The following C1QTNF12 variants were observed in gnomAD, a reference collection of about 807,000 sequenced individuals.
The protein encoded by C1QTNF12 is C1q and TNF related 12, also known as adipolin.
C1QTNF12 carries 39 observed loss-of-function variants against 34.3 expected under a neutral mutation model. The ratio of observed to expected loss-of-function variants is 1.14; its 90% confidence interval spans 0.88 to 1.49. C1QTNF12 has a LOEUF of 1.49. Ranked by LOEUF, C1QTNF12 falls within the 40% of genes most tolerant of loss-of-function variation. The pLI is 0.00. For missense variants in C1QTNF12, 497 were observed against 424.7 expected (o/e 1.17, Z -1.50); for synonymous variants, 220 against 196.9 (o/e 1.12, Z -0.98).
chr1:1,243,576 G>T, intron 4 of C1QTNF12, 24 bp from the exon 5 acceptor site: 1 of 1,532,760 alleles, frequency 6.5e-7, no homozygotes, highest in Non-Finnish European at 8.8e-7. Context: ...TGGGTGAGCG[G>T]CCAGCGCAGG....
chr1:1,242,949 G>T, intron 6 of C1QTNF12, 36 bp from the exon 7 acceptor site: 1 of 1,600,622 alleles, frequency 6.2e-7, no homozygotes, highest in Non-Finnish European at 8.5e-7. Context: ...GGGAGGCGTT[G>T]CAGGTCCAGG....
intron 1 of C1QTNF12, chr1:1,244,726 C>T: frequency 1.9e-6 from 1 of 525,720 alleles, no homozygotes; most frequent in Non-Finnish European, 3.4e-6. Flanking sequence ...CTGAGCCCCT[C>T]ACTCCTCCCC....
Position 1,243,074 on chromosome 1 carries a change from C to A in C1QTNF12, c.719G>T (p.Cys240Phe). The part of the protein sequence containing the change: ...VCVLICIESL[C>F]QRHTCLEAVS... ...TGAGGTCACTCACGTGTGGCGCTGG[C>A]ACAGGGACTCAATACAGATGAGAAC... The change falls in exon 6 of 8, where the codon TGC (cysteine) becomes TTC (phenylalanine). Residue 240 changes from cysteine (C) to phenylalanine (F), a missense_variant. Physicochemically the swap from Cys to Phe is radical, Grantham distance 205 (BLOSUM62 -2). Transcript: ENST00000330388. 6.3e-7 allele frequency: 1 copy of A among 1,583,816 alleles called. No individual in the cohort carries two copies. Among genetic ancestry groups the A allele is most frequent in the Non-Finnish European group, 8.6e-7 (1 of 1,165,840 alleles).
chr1:1,244,354 C>G lies in C1QTNF12; in HGVS notation c.294+27G>C, dbSNP rs777982342. ...CACCACACCCTGTCCGGGGCTCAGA[C>G]CCTGCAGCAGCCCGGGCGGGGCTCA... On this transcript the variant is annotated intron_variant, in intron 2 of 7. Transcript: ENST00000330388. 1.9e-5 allele frequency: 30 copies of G among 1,606,442 alleles called. 1 individual carries two copies. In the South Asian group the frequency reaches 3.3e-4, roughly 18 times the overall value.
In C1QTNF12 at chr1:1,243,155, G is replaced by T. The variant is rs35279523; in HGVS notation, c.641-3C>A. The T allele has an allele frequency of 2.6e-6, 4 of 1,555,816 alleles. No homozygotes were observed. The highest frequency in any genetic ancestry group is 3.8e-5 in the Admixed American group (2 of 52,400). Reference sequence around the variant, plus strand: ...CTTGCCCTGCAGCTCACTGTGGTCTGCGGAGAGAGCCCTGGGGAGGGTGGT... The same window carrying T: ...CTTGCCCTGCAGCTCACTGTGGTCTTCGGAGAGAGCCCTGGGGAGGGTGGT... On this transcript the variant is annotated splice_polypyrimidine_tract_variant and splice_region_variant and intron_variant, in intron 5 of 7. Transcript: ENST00000330388.
Position 1,244,052 on chromosome 1 carries a change from C to A in C1QTNF12, c.433G>T (p.Ala145Ser). Residue 145 changes from alanine to serine, a missense_variant, in exon 4 of 8, where the codon GCG (alanine) becomes TCG (serine). Physicochemically the swap from Ala to Ser is moderately conservative, Grantham distance 99. Coordinates refer to ENST00000330388, the MANE Select transcript of C1QTNF12 (RefSeq NM_001014980.3). ...GLLDPLLPQGAGLRLVGEAFH... is the reference protein window; with the variant it reads ...GLLDPLLPQGSGLRLVGEAFH... ...GCCTCGCCCACCAGCCGCAGGCCCG[C>A]CCCCTGGGGCAGCAGCGGGTCCAGA... 1 of 1,598,818 alleles carries A rather than the reference C, an allele frequency of 6.3e-7. No individual in the cohort carries two copies. Among genetic ancestry groups the A allele is most frequent in the Non-Finnish European group, 8.5e-7 (1 of 1,173,434 alleles).
upstream of C1QTNF12, among the ~76,000 whole-genome samples, chr1:1,247,101 C>T (rs1638914119): frequency 6.6e-6 from 1 of 152,162 alleles, no homozygotes; most frequent in African/African-American, 2.4e-5. Flanking sequence ...TCCCCAGACC[C>T]CACCCTGCCC....
At position 1,242,657 on chromosome 1, in the gene C1QTNF12, C is replaced by T. The variant is rs1373797091; in HGVS notation, c.811-11G>A. 2.5e-6 allele frequency: 4 copies of T among 1,583,606 alleles called. No individual in the cohort carries two copies. Among genetic ancestry groups the T allele is most frequent in the Middle Eastern group, 1.7e-4 (1 of 6,044 alleles). ...AGCGTACTGTCCAGCCTGTAAGAAG[C>T]ACGGGGACGTCACAACCGCAGCCAC... is the stretch of plus-strand genomic sequence containing the variant. On this transcript the variant is annotated splice_polypyrimidine_tract_variant and intron_variant, in intron 7 of 7. Transcript: ENST00000330388.
chr1:1,246,732 CAGGGCGCA>C, upstream of C1QTNF12: 1 of 1,210,126 alleles, frequency 8.3e-7, no homozygotes, highest in Non-Finnish European at 1.0e-6. This position sits in a 1 kb window ranked among gnomAD's most constrained non-coding sequence, Gnocchi z 4.5. Flanking sequence ...GTCTCGGCGC[CAGGGCGCA>C]GTCATGGGGA....
chr1:1,244,473 A>C lies in C1QTNF12; in HGVS notation c.202T>G (p.Phe68Val). The change falls in exon 2 of 8, where the codon TTC becomes GTC. Residue 68 changes from phenylalanine (F) to valine (V), a missense_variant. Phe to Val is a conservative substitution (Grantham distance 50, BLOSUM62 -1). Coordinates refer to ENST00000330388, the MANE Select transcript of C1QTNF12 (RefSeq NM_001014980.3). ...AGCCATGTCATGTGGGCGTCGGAGA[A>C]CTCAGGTCCTGAGGCCTGGGATGGC... ...PKPSQASGPEFSDAHMTWLNF... is the reference protein window; with the variant it reads ...PKPSQASGPEVSDAHMTWLNF... 3 of 1,611,514 alleles carry C rather than the reference A, an allele frequency of 1.9e-6. No homozygotes were observed. The highest frequency in any genetic ancestry group is 2.5e-6 in the Non-Finnish European group (3 of 1,179,342).
intron 7 of C1QTNF12, 33 bp downstream of exon 7, chr1:1,242,802 G>A (rs558132433): frequency 3.0e-5 from 48 of 1,607,808 alleles, no homozygotes; most frequent in East Asian, 1.1e-4. Flanking sequence ...GAGTGCACCC[G>A]AGCCCTCCCG....
chr1:1,244,986 A>C (rs1462306646), intron 1 of C1QTNF12, among the ~76,000 whole-genome samples: 2 of 1,934 alleles, frequency 1.0e-3, no homozygotes, highest in Non-Finnish European at 2.1e-3. Flanking sequence ...TCCCCCACTC[A>C]TCTCCCTCCT....
Position 1,246,409 on chromosome 1 carries a change from C to G in C1QTNF12, c.177+105G>C. On this transcript the variant is annotated intron_variant, in intron 1 of 7. Transcript: ENST00000330388. The surrounding 1 kb of genome is among the most constrained non-coding windows in gnomAD (Gnocchi z 4.5). ...GTGGCCGAGGCCTCGAAAAGGGCGACCCGGAGGCAGAGCCGGCAGGGACAG... is the reference window on the plus strand; with the variant it reads ...GTGGCCGAGGCCTCGAAAAGGGCGAGCCGGAGGCAGAGCCGGCAGGGACAG... The G allele has an allele frequency of 9.7e-7, 1 of 1,031,448 alleles. No individual in the cohort carries two copies. The highest frequency in any genetic ancestry group is 4.9e-5 in the South Asian group (1 of 20,244). 63.9% of individuals were successfully genotyped at this position (1,031,448 alleles called of 1,614,324 possible).
chr1:1,246,095 C>T lies in C1QTNF12; in HGVS notation c.177+419G>A, dbSNP rs1030372276. ...ACAGGCTCGCCATGGCGTCTCCAGC[C>T]GCAGGAGTCATGGGGCGCTGGACTC... is the stretch of plus-strand genomic sequence containing the variant. On this transcript the variant is annotated intron_variant, in intron 1 of 7. Coordinates refer to ENST00000330388, the MANE Select transcript of C1QTNF12 (RefSeq NM_001014980.3). The surrounding 1 kb of genome is among the most constrained non-coding windows in gnomAD (Gnocchi z 4.5). 3.9e-5 allele frequency among the ~76,000 whole-genome samples: 6 copies of T among 152,146 alleles called. No homozygotes were observed. The highest frequency in any genetic ancestry group is 1.4e-4 in the African/African-American group (6 of 41,422).
At chr1:1,245,514 C>T (rs994064208) in intron 1 of C1QTNF12, among the ~76,000 whole-genome samples, 5 of 151,394 alleles carry the variant, frequency 3.3e-5, no homozygotes, top group Non-Finnish European at 5.9e-5. Flanking sequence ...GAGGGAGGCC[C>T]GCCACCCTGC....
intron 4 of C1QTNF12, 44 bp downstream of exon 4, chr1:1,243,908 TGG>T (rs560002540): frequency 1.9e-6 from 3 of 1,572,694 alleles, no homozygotes; most frequent in Non-Finnish European, 1.7e-6. Context: ...GTCTTGCCTG[TGG>T]GGCCCCACCC....
At position 1,242,537 on chromosome 1, in the gene C1QTNF12, C is replaced by A. The variant is rs749193721; in HGVS notation, c.*11G>T. ...CCGGCGGCAGCTCCTCGCCAGCCCCCCTGGGCGCCCTCACGTGCCCAGGAG... is the reference window on the plus strand; with the variant it reads ...CCGGCGGCAGCTCCTCGCCAGCCCCACTGGGCGCCCTCACGTGCCCAGGAG... On this transcript the variant is annotated 3_prime_UTR_variant, in exon 8 of 8. Coordinates refer to ENST00000330388, the MANE Select transcript of C1QTNF12 (RefSeq NM_001014980.3). The A allele has an allele frequency of 3.9e-6, 6 of 1,552,122 alleles. No homozygotes were observed. Among genetic ancestry groups the A allele is most frequent in the South Asian group, 1.2e-5 (1 of 84,474 alleles).
Position 1,244,107 on chromosome 1 carries a change from T to C in C1QTNF12, c.380-2A>G. Reference sequence around the variant, plus strand: ...CTGAGAACCGGCGCTCCGTGGCCTCTGTGGGGAGGAGGGCACAGGCGGCCA... The same window carrying C: ...CTGAGAACCGGCGCTCCGTGGCCTCCGTGGGGAGGAGGGCACAGGCGGCCA... On this transcript the variant is annotated splice_acceptor_variant, in intron 3 of 7. Coordinates refer to ENST00000330388, the MANE Select transcript of C1QTNF12 (RefSeq NM_001014980.3). LOFTEE classifies it high-confidence loss of function. 2.5e-6 allele frequency: 4 copies of C among 1,575,046 alleles called. No homozygotes were observed. Among genetic ancestry groups the C allele is most frequent in the Non-Finnish European group, 3.4e-6 (4 of 1,160,660 alleles).
intron 2 of C1QTNF12, 48 bp from the exon 3 acceptor site, chr1:1,244,323 A>T: frequency 6.3e-7 from 1 of 1,591,000 alleles, no homozygotes; most frequent in Non-Finnish European, 8.6e-7. Context: ...ACCCGGTGGG[A>T]GCTACCACCA....
Sources: allele counts gnomAD v4.1 joint callset (sites outside exome capture counted in the v4.1 genomes callset), GRCh38; gene constraint gnomAD v4.1.1; non-coding constraint Gnocchi (gnomAD v3.1); transcripts MANE v1.5; gene names NCBI Gene and HGNC (gene_info 2026-07-23, HGNC 2026-07-21).